The following PRKN variants were observed in gnomAD, a reference collection of about 807,000 sequenced individuals.
PRKN encodes parkin RBR E3 ubiquitin protein ligase, also known as E3 ubiquitin-protein ligase parkin.
In PRKN, 56 loss-of-function variants were observed where a neutral mutation model predicts 59.5. The ratio of observed to expected loss-of-function variants is 0.94; its 90% CI spans 0.76 to 1.18. PRKN has a LOEUF of 1.18. PRKN is among the 50% of genes most tolerant of loss of function. The probability of loss-of-function intolerance (pLI) is 0.00; values close to 1 mark genes in which losing one functional copy is unlikely to be tolerated. For synonymous variants in PRKN, 250 were observed against 222.1 expected, an observed-to-expected ratio of 1.13 and a Z score of -1.12; for missense variants, 657 against 596.4, an observed-to-expected ratio of 1.10 and a Z score of -1.06.
chr6:161,510,664 G>T (rs1460810298), intron 9 of PRKN, among the ~76,000 whole-genome samples: 1 of 152,170 alleles, frequency 6.6e-6, no homozygotes, highest in East Asian at 1.9e-4. Context: ...ACCAGTCTGG[G>T]TATTAAGAGA....
chr6:161,958,289 G>A (rs950171731), intron 6 of PRKN, among the ~76,000 whole-genome samples: 5 of 152,242 alleles, frequency 3.3e-5, no homozygotes, highest in South Asian at 2.1e-4. Flanking sequence ...TAAAAGACAC[G>A]CTAAATTGTT....
chr6:162,352,198 A>G (rs1784653522), intron 2 of PRKN, among the ~76,000 whole-genome samples: 1 of 152,176 alleles, frequency 6.6e-6, no homozygotes, highest in African/African-American at 2.4e-5. Flanking sequence ...GGTTGGCAAT[A>G]TCTGGAAGAT....
chr6:161,500,067 G>C (rs896380259), intron 9 of PRKN, among the ~76,000 whole-genome samples: 7 of 152,148 alleles, frequency 4.6e-5, no homozygotes, highest in African/African-American at 1.4e-4. Context: ...AGGTGCAGTT[G>C]AAATGTTAAT....
At chr6:161,659,834 C>G (rs1305924975) in intron 7 of PRKN, among the ~76,000 whole-genome samples, 1 of 152,134 alleles carries the variant, frequency 6.6e-6, no homozygotes, top group East Asian at 1.9e-4. Context: ...TGCTTACTAT[C>G]CACACTTATT....
At chr6:162,027,860 AAAG>A (rs1783494646) in intron 5 of PRKN, among the ~76,000 whole-genome samples, 1 of 151,914 alleles carries the variant, frequency 6.6e-6, no homozygotes, top group South Asian at 2.1e-4. Flanking sequence ...AAGGGGCAGA[AAAG>A]GAGAGAGGGA....
At chr6:161,788,159 T>C (rs114687031) in intron 6 of PRKN, among the ~76,000 whole-genome samples, 2,489 of 152,296 alleles carry the variant, frequency 0.016, 67 homozygotes, top group African/African-American at 0.057. Context: ...TCTATAGTTG[T>C]CTCCTTCAGT....
chr6:162,084,317 C>T (rs1045954627), intron 4 of PRKN, among the ~76,000 whole-genome samples: 3 of 152,226 alleles, frequency 2.0e-5, no homozygotes, highest in African/African-American at 7.2e-5. Flanking sequence ...GACCTACATC[C>T]ACTCATGCAT....
chr6:161,705,201 T>C (rs530257694), intron 7 of PRKN, among the ~76,000 whole-genome samples: 3 of 152,174 alleles, frequency 2.0e-5, no homozygotes, highest in Non-Finnish European at 4.4e-5. Context: ...ATAAGCCCAT[T>C]GTAACTTGAA....
At chr6:162,196,046 C>T (rs1351262580) in intron 4 of PRKN, among the ~76,000 whole-genome samples, 2 of 152,206 alleles carry the variant, frequency 1.3e-5, no homozygotes, top group Non-Finnish European at 2.9e-5. Context: ...TCAGTTACTT[C>T]CTATCCCAGG....
chr6:161,976,539 C>G (rs1781040747), intron 5 of PRKN, among the ~76,000 whole-genome samples: 1 of 152,152 alleles, frequency 6.6e-6, no homozygotes, highest in South Asian at 2.1e-4. Context: ...GTTTTGTTTT[C>G]CTGAACATAG....
At chr6:162,274,177 A>C (rs903581721) in intron 2 of PRKN, among the ~76,000 whole-genome samples, 1 of 151,278 alleles carries the variant, frequency 6.6e-6, no homozygotes, top group East Asian at 1.9e-4. Flanking sequence ...TTATTAATTT[A>C]TTAATGTATT....
intron 6 of PRKN, among the ~76,000 whole-genome samples, chr6:161,880,414 T>G (rs1228569187): frequency 6.6e-6 from 1 of 152,212 alleles, no homozygotes; most frequent in African/African-American, 2.4e-5. Context: ...TATCTTCATT[T>G]TAGGAAATGT....
chr6:162,650,240 C>T (rs9364669), intron 1 of PRKN, among the ~76,000 whole-genome samples: 12,073 of 152,180 alleles, frequency 0.079, 656 homozygotes, highest in East Asian at 0.3. Flanking sequence ...CACTTCCTCT[C>T]CAGTGTGACC....
At chr6:162,421,014 T>A (rs754670315) in intron 2 of PRKN, among the ~76,000 whole-genome samples, 4 of 152,168 alleles carry the variant, frequency 2.6e-5, no homozygotes, top group Admixed American at 1.3e-4. Flanking sequence ...GAAGCTAGCA[T>A]TGAACTCACA....
In PRKN at chr6:161,379,764, CT is replaced by C. The variant is rs1279792207; in HGVS notation, c.1167+7029del. On this transcript the variant is annotated intron_variant, in intron 10 of 11. Coordinates refer to ENST00000366898, the MANE Select transcript of PRKN (RefSeq NM_004562.3). The surrounding 1 kb of genome is among the most constrained non-coding windows in gnomAD (Gnocchi z 4.9). ...CTCCTTCTAGGACCTGCTGTGGCAA[CT>C]GCACGGCAGTTCAGCCTTCCTTCAA... Among the ~76,000 whole-genome samples the C allele has an allele frequency of 6.6e-6, 1 of 152,224 alleles. No individual in the cohort carries two copies. Among genetic ancestry groups the C allele is most frequent in the South Asian group, 2.1e-4 (1 of 4,830 alleles).
intron 4 of PRKN, among the ~76,000 whole-genome samples, chr6:162,198,951 A>T (rs1186291419): frequency 6.6e-6 from 1 of 152,148 alleles, no homozygotes; most frequent in Admixed American, 6.5e-5. Context: ...CACACAAAGC[A>T]TATTATTAAA....
At chr6:162,079,689 C>A (rs1778980806) in intron 4 of PRKN, among the ~76,000 whole-genome samples, 2 of 152,032 alleles carry the variant, frequency 1.3e-5, no homozygotes, top group South Asian at 4.1e-4. Flanking sequence ...CCTCTCTCCA[C>A]CCACCTTATT....
Position 162,661,711 on chromosome 6 carries a change from C to T in PRKN, c.7+65951G>A, listed in dbSNP as rs557791185. Among the ~76,000 whole-genome samples the T allele has an allele frequency of 9.9e-5, 15 of 152,178 alleles. No homozygotes were observed. In the East Asian group the frequency reaches 1.4e-3, roughly 14 times the overall value. Reference sequence around the variant, plus strand: ...GTTATGGCTGAAGTAATAATCTACGCGTATCTATGTATTTAACATATTCTT... The same window carrying T: ...GTTATGGCTGAAGTAATAATCTACGTGTATCTATGTATTTAACATATTCTT... On this transcript the variant is annotated intron_variant, in intron 1 of 11. Coordinates refer to ENST00000366898, the MANE Select transcript of PRKN (RefSeq NM_004562.3).
Position 161,551,274 on chromosome 6 carries a change from A to C in PRKN, c.934-2271T>G, listed in dbSNP as rs529451725. Among the ~76,000 whole-genome samples the C allele has an allele frequency of 1.3e-5, 2 of 152,218 alleles. No homozygotes were observed. Among genetic ancestry groups the C allele is most frequent in the East Asian group, 1.9e-4 (1 of 5,184 alleles). ...ACAGCACAGCCCCAAATGCCAAGGA[A>C]GGACCTGGGGAGGCGCGCTGGCGAC... On this transcript the variant is annotated intron_variant, in intron 8 of 11. Coordinates refer to ENST00000366898, the MANE Select transcript of PRKN (RefSeq NM_004562.3). The surrounding 1 kb of genome is among the most constrained non-coding windows in gnomAD (Gnocchi z 5.2).
Sources: gnomAD v4.1 joint callset for allele counts (sites outside exome capture counted in the v4.1 genomes callset) on GRCh38, gnomAD v4.1.1 for gene constraint, Gnocchi (gnomAD v3.1) non-coding constraint, MANE v1.5 for transcripts, NCBI Gene and HGNC (gene_info 2026-07-23, HGNC 2026-07-21) for gene names.